Variants in PTPRQ observed in about 807,000 individuals in gnomAD.
PTPRQ encodes the protein protein tyrosine phosphatase receptor type Q, also known as phosphatidylinositol phosphatase PTPRQ.
A neutral mutation model predicts 246.0 loss-of-function variants in PTPRQ; 199 were observed. The observed-to-expected ratio is 0.81, with a 90% CI of 0.72 to 0.91. The LOEUF is 0.91. Among genes scored for constraint, PTPRQ ranks in the 40% least tolerant of loss-of-function variants. The pLI is 0.00. For synonymous variants in PTPRQ, 869 were observed against 853.2 expected (o/e 1.02, Z -0.32); for missense variants, 2,624 against 2,528.4 (o/e 1.04, Z -0.81).
chr12:80,609,685 A>C (rs1898476215), intron 27 of PTPRQ, among the ~76,000 whole-genome samples: 1 of 150,610 alleles, frequency 6.6e-6, no homozygotes, highest in Non-Finnish European at 1.5e-5. Flanking sequence ...ATTAATTACT[A>C]TCCAGTGCTA....
Position 80,632,274 on chromosome 12 carries a change from T to C in PTPRQ, c.5769T>C (p.Ala1923=), listed in dbSNP as rs1480150310. 1.3e-6 allele frequency: 2 copies of C among 1,551,334 alleles called. No individual in the cohort carries two copies. Among genetic ancestry groups the C allele is most frequent in the South Asian group, 2.4e-5 (2 of 84,020 alleles). ...TTTCAATAATTCTCCTTGGAACAGC[T>C]ATTTTTGCATTTGCAAGGTAAGATT... The part of the protein sequence containing the change: ...CILSIILLGT[A]IFAFARIRQK... Residue 1923 remains alanine, a synonymous_variant, in exon 34 of 45, where the codon GCT becomes GCC. Transcript: ENST00000644991.
At chr12:80,459,548 T>A (rs766716227) in intron 5 of PTPRQ, 65 bp downstream of exon 5, 9 of 397,644 alleles carry the variant, frequency 2.3e-5, no homozygotes, top group African/African-American at 4.1e-5. Flanking sequence ...TTCATATTTC[T>A]AGCATCTAGA....
intron 33 of PTPRQ, among the ~76,000 whole-genome samples, chr12:80,629,231 T>C (rs755681900): frequency 1.3e-5 from 2 of 152,034 alleles, no homozygotes; most frequent in African/African-American, 4.8e-5. Flanking sequence ...TCTCTTCTTA[T>C]AAGTCACTAA....
At chr12:80,529,141 A>C (rs1895774321) in intron 17 of PTPRQ, among the ~76,000 whole-genome samples, 2 of 152,344 alleles carry the variant, frequency 1.3e-5, no homozygotes, top group Non-Finnish European at 2.9e-5. Context: ...AGTTGTATAG[A>C]GTAATTATGC....
At chr12:80,585,638 A>G (rs1273105556) in intron 25 of PTPRQ, among the ~76,000 whole-genome samples, 1 of 152,038 alleles carries the variant, frequency 6.6e-6, no homozygotes, top group African/African-American at 2.4e-5. Context: ...CATGCCTCCA[A>G]CTATACAGTT....
chr12:80,473,045 A>ACACACACGCGCG (rs1555185233), intron 8 of PTPRQ, among the ~76,000 whole-genome samples: 3 of 92,338 alleles, frequency 3.2e-5, no homozygotes, highest in African/African-American at 9.2e-5. Context: ...ACTCACACAC[A>ACACACACGCGCG]CGCACACACA....
At chr12:80,491,556 A>T (rs984972130) in intron 9 of PTPRQ, among the ~76,000 whole-genome samples, 1 of 151,948 alleles carries the variant, frequency 6.6e-6, no homozygotes, top group African/African-American at 2.4e-5. Context: ...TTTATGGGAA[A>T]CCTGTTGCTT....
chr12:80,557,192 T>C (rs144923165), intron 25 of PTPRQ, among the ~76,000 whole-genome samples: 4 of 152,200 alleles, frequency 2.6e-5, no homozygotes, highest in Non-Finnish European at 5.9e-5. Flanking sequence ...GCCCTTCTTC[T>C]CAATCCAGTT....
chr12:80,486,039 C>T (rs1442403671), intron 9 of PTPRQ, among the ~76,000 whole-genome samples: 1 of 152,172 alleles, frequency 6.6e-6, no homozygotes, highest in Non-Finnish European at 1.5e-5. Flanking sequence ...GGTTTAAACT[C>T]TAGTTCTGCC....
intron 3 of PTPRQ, among the ~76,000 whole-genome samples, chr12:80,452,327 G>A (rs1056772614): frequency 6.6e-6 from 1 of 151,744 alleles, no homozygotes; most frequent in East Asian, 1.9e-4. Flanking sequence ...CAATTTGCCA[G>A]TCTGTGTCTT....
chr12:80,478,269 C>T (rs1401013624), intron 8 of PTPRQ, among the ~76,000 whole-genome samples: 3 of 149,876 alleles, frequency 2.0e-5, no homozygotes, highest in African/African-American at 7.5e-5. Context: ...AGCAGGGGCA[C>T]ACTGACACCT....
chr12:80,444,416 C>T lies in PTPRQ; in HGVS notation c.54+17C>T, dbSNP rs1349767289. ...GAGACACAGGTATTTCGTATACACT[C>T]TTTAAAAACAAGGGCTAAGTCATGG... On this transcript the variant is annotated intron_variant, in intron 1 of 44. Coordinates refer to ENST00000644991, the MANE Select transcript of PTPRQ (RefSeq NM_001145026.2). The T allele has an allele frequency of 2.2e-6, 3 of 1,383,122 alleles. No homozygotes were observed. The highest frequency in any genetic ancestry group is 3.0e-6 in the Non-Finnish European group (3 of 997,308). The allele number at this position is 1,383,122 out of a possible 1,614,324, so 85.7% of individuals were successfully genotyped here.
chr12:80,588,404 G>A lies in PTPRQ; in HGVS notation c.4561G>A (p.Gly1521Ser). Residue 1521 changes from glycine to serine, a missense_variant, in exon 26 of 45, where the codon GGC (glycine) becomes AGC (serine). Coordinates refer to ENST00000644991, the MANE Select transcript of PTPRQ (RefSeq NM_001145026.2). ...CCAAGTGGCTGCCAGCACCAATGCT[G>A]GCTATGGCAATGCTTCAAACTGGAT... Reference protein sequence around the residue: ...RFQVAASTNAGYGNASNWIST... With the variant: ...RFQVAASTNASYGNASNWIST... 6.6e-7 allele frequency: 1 copy of A among 1,516,436 alleles called. No individual in the cohort carries two copies. Among genetic ancestry groups the A allele is most frequent in the Non-Finnish European group, 8.9e-7 (1 of 1,129,368 alleles). 93.9% of individuals were successfully genotyped at this position (1,516,436 alleles called of 1,614,324 possible).
intron 8 of PTPRQ, among the ~76,000 whole-genome samples, chr12:80,473,520 T>A (rs1381018211): frequency 6.6e-6 from 1 of 152,206 alleles, no homozygotes; most frequent in African/African-American, 2.4e-5. Flanking sequence ...TCTATTCTTG[T>A]TATACAATTA....
chr12:80,539,743 AC>A, intron 19 of PTPRQ, 32 bp from the exon 20 acceptor site: 4 of 1,496,802 alleles, frequency 2.7e-6, no homozygotes. Context: ...CTAAAAAAAT[AC>A]ATTCTGAACA....
At position 80,514,424 on chromosome 12, in the gene PTPRQ, T is replaced by G. The variant is rs1312270794; in HGVS notation, c.2678+3981T>G. Among the ~76,000 whole-genome samples the G allele has an allele frequency of 2.0e-5, 3 of 149,288 alleles. No individual in the cohort carries two copies. In the South Asian group the frequency reaches 6.4e-4, roughly 32 times the overall value. ...CACACTCTCTCTCTCTCTCTCTGCT[T>G]TAAAATTTACTTTGTTCATTGCGGT... On this transcript the variant is annotated intron_variant, in intron 17 of 44. Coordinates refer to ENST00000644991, the MANE Select transcript of PTPRQ (RefSeq NM_001145026.2).
At chr12:80,668,792 C>T (rs1478523885) in intron 39 of PTPRQ, among the ~76,000 whole-genome samples, 2 of 151,506 alleles carry the variant, frequency 1.3e-5, no homozygotes, top group East Asian at 3.9e-4. Flanking sequence ...AAAAGTTAGA[C>T]ATAAATTTTG....
rs550039585 is a variant in PTPRQ, at chr12:80,635,076, G to A, written c.5915+3G>A. 1.9e-6 allele frequency: 3 copies of A among 1,550,560 alleles called. No homozygotes were observed. Among genetic ancestry groups the A allele is most frequent in the Non-Finnish European group, 2.6e-6 (3 of 1,146,482 alleles). ...CTGAAGGACGAGAGATTAACGCGGTGAGCACACTCCTCTGGGTGAACTGTG... is the reference window on the plus strand; with the variant it reads ...CTGAAGGACGAGAGATTAACGCGGTAAGCACACTCCTCTGGGTGAACTGTG... On this transcript the variant is annotated splice_donor_region_variant and intron_variant, in intron 35 of 44. Transcript: ENST00000644991.
chr12:80,662,575 A>G (rs1195425747), intron 39 of PTPRQ, among the ~76,000 whole-genome samples: 1 of 152,044 alleles, frequency 6.6e-6, no homozygotes, highest in Non-Finnish European at 1.5e-5. Flanking sequence ...CTGCTAAATC[A>G]TATTTCAATT....
Sources: gnomAD v4.1 joint callset for allele counts (sites outside exome capture counted in the v4.1 genomes callset) on GRCh38, gnomAD v4.1.1 for gene constraint, MANE v1.5 for transcripts, NCBI Gene and HGNC (gene_info 2026-07-23, HGNC 2026-07-21) for gene names.